Variants in SNTG1 observed in about 807,000 individuals in gnomAD.
SNTG1 encodes syntrophin gamma 1.
A neutral mutation model predicts 74.7 loss-of-function variants in SNTG1; 39 were observed. The ratio of observed to expected loss-of-function variants is 0.52; its 90% CI spans 0.40 to 0.68. SNTG1 has a LOEUF of 0.68. Ranked by LOEUF, SNTG1 falls within the 30% of genes least tolerant of loss-of-function variation. The pLI, the probability that SNTG1 is intolerant of heterozygous loss-of-function variation, is 0.00. For missense variants in SNTG1, 685 were observed against 609.5 expected, an observed-to-expected ratio of 1.12 and a Z score of -1.30; for synonymous variants, 254 against 217.1, an observed-to-expected ratio of 1.17 and a Z score of -1.49.
chr8:50,314,180 T>C (rs2090226668), intron 2 of SNTG1, among the ~76,000 whole-genome samples: 1 of 149,622 alleles, frequency 6.7e-6, no homozygotes, highest in South Asian at 2.2e-4. Context: ...CTGATTCGAA[T>C]CTGGTTTCAG....
chr8:50,113,136 G>T (rs1350726156), intron 1 of SNTG1, among the ~76,000 whole-genome samples: 1 of 152,128 alleles, frequency 6.6e-6, no homozygotes, highest in African/African-American at 2.4e-5. Flanking sequence ...ATTCTGTGAA[G>T]AAAGTCATTG....
intron 2 of SNTG1, among the ~76,000 whole-genome samples, chr8:50,194,695 T>G (rs2083699214): frequency 6.6e-6 from 1 of 152,128 alleles, no homozygotes; most frequent in Non-Finnish European, 1.5e-5. Flanking sequence ...GGTAATTTCC[T>G]TTCTTCTGCT....
intron 2 of SNTG1, among the ~76,000 whole-genome samples, chr8:50,181,165 A>G (rs1433138217): frequency 6.6e-6 from 1 of 152,148 alleles, no homozygotes; most frequent in Non-Finnish European, 1.5e-5. Flanking sequence ...TCTCCAGGCC[A>G]GCATTGTTGG....
At chr8:50,663,378 G>T (rs150005981) in intron 15 of SNTG1, among the ~76,000 whole-genome samples, 59 of 152,246 alleles carry the variant, frequency 3.9e-4, no homozygotes, top group Non-Finnish European at 6.3e-4. Context: ...AATCCTCTTC[G>T]AATGCAACGT....
chr8:50,087,190 C>T (rs1470673442), intron 1 of SNTG1, among the ~76,000 whole-genome samples: 1 of 152,148 alleles, frequency 6.6e-6, no homozygotes, highest in African/African-American at 2.4e-5. Flanking sequence ...TTTAGAAAGA[C>T]TCAAGAATCT....
chr8:50,723,153 G>T (rs923964520), intron 17 of SNTG1, among the ~76,000 whole-genome samples: 2 of 152,104 alleles, frequency 1.3e-5, no homozygotes, highest in African/African-American at 2.4e-5. Context: ...GCAAGCAGGA[G>T]CTTCACAGGT....
chr8:50,227,682 A>G (rs1035327706), intron 2 of SNTG1, among the ~76,000 whole-genome samples: 1 of 152,058 alleles, frequency 6.6e-6, no homozygotes, highest in Non-Finnish European at 1.5e-5. Context: ...TGAAAGAGCT[A>G]TAAGACACAG....
rs190425416 is a variant in SNTG1 at position 50,510,546 on chromosome 8, G to A, written c.466+7666G>A. Among the ~76,000 whole-genome samples the A allele has an allele frequency of 5.7e-3, 874 of 152,206 alleles. 1 individual carries two copies. Among genetic ancestry groups the A allele is most frequent in the Middle Eastern group, 0.01 (3 of 294 alleles). On this transcript the variant is annotated intron_variant, in intron 9 of 18. Transcript: ENST00000642720. Reference sequence around the variant, plus strand: ...TTCAACTGTGAATCCATCTGGTCCTGGACTTTTTTTGGTTGGTAAGCTATT... The same window carrying A: ...TTCAACTGTGAATCCATCTGGTCCTAGACTTTTTTTGGTTGGTAAGCTATT...
intron 18 of SNTG1, among the ~76,000 whole-genome samples, chr8:50,791,331 T>C (rs572611705): frequency 5.9e-5 from 9 of 151,990 alleles, no homozygotes; most frequent in African/African-American, 2.2e-4. Flanking sequence ...GGAATTAGAA[T>C]AGTTAAATGA....
At chr8:49,924,695 G>T (rs916459670) in intron 1 of SNTG1, among the ~76,000 whole-genome samples, 3 of 151,592 alleles carry the variant, frequency 2.0e-5, no homozygotes, top group Non-Finnish European at 4.4e-5. Context: ...CTCCAAAAAG[G>T]CTAAAGAAAA....
At chr8:50,472,736 C>A (rs888910058) in intron 8 of SNTG1, among the ~76,000 whole-genome samples, 3 of 151,930 alleles carry the variant, frequency 2.0e-5, no homozygotes, top group Non-Finnish European at 2.9e-5. Flanking sequence ...AAAAGGCAAC[C>A]TATGGAATGG....
intron 18 of SNTG1, among the ~76,000 whole-genome samples, chr8:50,776,520 A>T (rs1408636770): frequency 1.4e-5 from 2 of 147,800 alleles, no homozygotes; most frequent in African/African-American, 4.9e-5. Context: ...TATGTCTTAT[A>T]TTTCATATTT....
intron 1 of SNTG1, among the ~76,000 whole-genome samples, chr8:50,059,229 A>G (rs1820277100): frequency 1.3e-5 from 2 of 152,086 alleles, no homozygotes; most frequent in South Asian, 4.1e-4. Context: ...TTTTTATATA[A>G]AATAAGTTTT....
At chr8:50,305,834 G>T (rs1262196289) in intron 2 of SNTG1, among the ~76,000 whole-genome samples, 1 of 151,092 alleles carries the variant, frequency 6.6e-6, no homozygotes, top group Non-Finnish European at 1.5e-5. Context: ...TAACCCAGTA[G>T]CTCCAATTTA....
At chr8:50,076,289 GAAACAA>G (rs1018691967) in intron 1 of SNTG1, among the ~76,000 whole-genome samples, 1 of 151,764 alleles carries the variant, frequency 6.6e-6, no homozygotes, top group Non-Finnish European at 1.5e-5. Flanking sequence ...CATACTGAAA[GAAACAA>G]AAACAAAAAA....
chr8:50,444,610 C>T (rs150998501), intron 5 of SNTG1, among the ~76,000 whole-genome samples: 32 of 152,048 alleles, frequency 2.1e-4, no homozygotes, highest in African/African-American at 6.5e-4. Flanking sequence ...ATTATCCAGG[C>T]GTGGTGGCAC....
chr8:50,644,330 C>T (rs117214622), intron 13 of SNTG1: 3,901 of 152,364 alleles, frequency 0.026, 80 homozygotes, highest in Middle Eastern at 0.045. Flanking sequence ...TTTTCTTCCA[C>T]CTCTGCCACC....
At chr8:50,586,117 A>G (rs2094646544) in intron 12 of SNTG1, among the ~76,000 whole-genome samples, 1 of 152,308 alleles carries the variant, frequency 6.6e-6, no homozygotes, top group African/African-American at 2.4e-5. Flanking sequence ...AGAGTTGACA[A>G]GAAAATAGAA....
At chr8:50,061,846 A>G (rs549481214) in intron 1 of SNTG1, among the ~76,000 whole-genome samples, 1 of 152,058 alleles carries the variant, frequency 6.6e-6, no homozygotes, top group South Asian at 2.1e-4. Flanking sequence ...CAATTCTTTC[A>G]AATTTGTTGA....
Sources: gnomAD v4.1 joint callset for allele counts (sites outside exome capture counted in the v4.1 genomes callset) on GRCh38, gnomAD v4.1.1 for gene constraint, MANE v1.5 for transcripts, NCBI Gene and HGNC (gene_info 2026-07-23, HGNC 2026-07-21) for gene names.